RBFOX1: variants seen among roughly 807,000 people sequenced by gnomAD.
RBFOX1 encodes the protein RNA binding fox-1 homolog 1.
Under a neutral mutation model 57.7 loss-of-function variants are expected in RBFOX1, and 8 were observed. That is an observed-to-expected ratio of 0.14 (90% CI 0.08 to 0.25). The LOEUF (loss-of-function observed/expected upper bound fraction) is 0.25. RBFOX1 is among the 10% of genes least tolerant of loss of function. RBFOX1 has a pLI of 1.00. For synonymous variants in RBFOX1, 326 were observed against 222.4 expected (o/e 1.47, Z -4.15); for missense variants, 611 against 548.5 (o/e 1.11, Z -1.14).
chr16:7,154,619 A>G (rs1286305942), intron 4 of RBFOX1, among the ~76,000 whole-genome samples: 1 of 151,764 alleles, frequency 6.6e-6, no homozygotes, highest in Non-Finnish European at 1.5e-5. Context: ...AATAGTGGGC[A>G]GTTGTAAGAA....
intron 1 of RBFOX1, among the ~76,000 whole-genome samples, chr16:5,360,479 C>T (rs1382977199): frequency 6.6e-6 from 1 of 152,218 alleles, no homozygotes; most frequent in African/African-American, 2.4e-5. Context: ...CACCTACATG[C>T]ACAGGTAATG....
At chr16:5,932,691 C>T (rs1450787645) in intron 4 of RBFOX1, among the ~76,000 whole-genome samples, 2 of 152,078 alleles carry the variant, frequency 1.3e-5, no homozygotes, top group African/African-American at 4.8e-5. Flanking sequence ...ATGGAAAATC[C>T]ACCACTGGGG....
intron 3 of RBFOX1, among the ~76,000 whole-genome samples, chr16:7,047,960 C>T (rs1204869478): frequency 1.3e-5 from 2 of 151,720 alleles, no homozygotes; most frequent in Non-Finnish European, 2.9e-5. Context: ...CTCACTGCAA[C>T]CTCCCCCTGC....
chr16:5,988,496 C>T (rs1052543772), intron 4 of RBFOX1, among the ~76,000 whole-genome samples: 6 of 152,278 alleles, frequency 3.9e-5, no homozygotes, highest in African/African-American at 7.2e-5. Flanking sequence ...ACCACTACTT[C>T]GTCTAAGTTC....
Position 7,111,681 on chromosome 16 carries a change from A to G in RBFOX1, c.27+59583A>G, listed in dbSNP as rs1599801287. ...TGGCTCATACCTGTGCCTTGTATAA[A>G]ACTACTTCTGGGGAAGATGAGGTTA... is the stretch of plus-strand genomic sequence containing the variant. On this transcript the variant is annotated intron_variant, in intron 4 of 15. Transcript: ENST00000550418. 2.6e-5 allele frequency among the ~76,000 whole-genome samples: 4 copies of G among 152,252 alleles called. No individual in the cohort carries two copies. In the South Asian group the frequency reaches 8.3e-4, roughly 32 times the overall value.
intron 1 of RBFOX1, among the ~76,000 whole-genome samples, chr16:6,051,829 G>C (rs1401739485): frequency 6.6e-6 from 1 of 152,194 alleles, no homozygotes; most frequent in Admixed American, 6.5e-5. Context: ...CTCCCAAACT[G>C]CTGGGATTAC....
intron 4 of RBFOX1, among the ~76,000 whole-genome samples, chr16:5,949,150 A>G (rs56083583): frequency 0.17 from 25,751 of 152,084 alleles, 2,351 homozygotes; most frequent in Middle Eastern, 0.31. Flanking sequence ...CCATATAACC[A>G]GCATACCATT....
chr16:6,615,817 C>T (rs1206418614), intron 2 of RBFOX1, among the ~76,000 whole-genome samples: 2 of 152,118 alleles, frequency 1.3e-5, no homozygotes, highest in South Asian at 2.1e-4. Context: ...GAGACACAGC[C>T]GCATTTCCCT....
chr16:6,055,590 CAAAAAAAAAAAA>C (rs35872547), intron 1 of RBFOX1, among the ~76,000 whole-genome samples: 6 of 65,586 alleles, frequency 9.1e-5, no homozygotes, highest in Non-Finnish European at 1.0e-4. Flanking sequence ...GAGACTCCGT[CAAAAAAAAAAAA>C]AAAAAAAAAA....
At chr16:6,790,514 A>T (rs1411705253) in intron 3 of RBFOX1, among the ~76,000 whole-genome samples, 1 of 152,066 alleles carries the variant, frequency 6.6e-6, no homozygotes, top group Admixed American at 6.6e-5. Flanking sequence ...TTTTGTTTGC[A>T]TCATAGTTTG....
chr16:6,274,382 C>G (rs1011226762), intron 1 of RBFOX1, among the ~76,000 whole-genome samples: 3 of 152,176 alleles, frequency 2.0e-5, no homozygotes, highest in African/African-American at 4.8e-5. Flanking sequence ...AAGGAGTGGA[C>G]TGTTGATAAA....
chr16:6,575,661 C>T (rs1176351079), intron 2 of RBFOX1, among the ~76,000 whole-genome samples: 1 of 151,976 alleles, frequency 6.6e-6, no homozygotes, highest in African/African-American at 2.4e-5. Context: ...AATTTGAGAC[C>T]AGACTGATCA....
chr16:6,922,808 C>G (rs746143783), intron 3 of RBFOX1, among the ~76,000 whole-genome samples: 1 of 152,134 alleles, frequency 6.6e-6, no homozygotes, highest in Non-Finnish European at 1.5e-5. Flanking sequence ...GCGTTCATCA[C>G]AGGTGGGATT....
chr16:7,378,270 A>G (rs1480876471), intron 4 of RBFOX1, among the ~76,000 whole-genome samples: 2 of 152,176 alleles, frequency 1.3e-5, no homozygotes, highest in South Asian at 2.1e-4. Context: ...CCTGAGGGCA[A>G]GGAGGATCGG....
intron 3 of RBFOX1, among the ~76,000 whole-genome samples, chr16:6,898,232 C>T (rs1355112023): frequency 2.0e-5 from 3 of 152,152 alleles, no homozygotes; most frequent in East Asian, 1.9e-4. Context: ...GCCCCTTTGG[C>T]ATCAAGCTCT....
intron 1 of RBFOX1, among the ~76,000 whole-genome samples, chr16:5,392,916 A>C (rs1218686674): frequency 6.6e-6 from 1 of 152,156 alleles, no homozygotes; most frequent in Non-Finnish European, 1.5e-5. Context: ...TCATTTTGCA[A>C]CACATGGGTC....
At chr16:6,122,517 A>ATGT (rs1349203751) in intron 1 of RBFOX1, among the ~76,000 whole-genome samples, 10 of 152,180 alleles carry the variant, frequency 6.6e-5, no homozygotes, top group African/African-American at 2.4e-4. Context: ...CTCTGAAGAC[A>ATGT]TAATACCCTG....
Position 6,019,898 on chromosome 16 carries a change from T to C in RBFOX1, c.-221T>C. ...GCACCCCCTTCCGCCGCCTCCAGCT[T>C]ATGGTGAGTGTGGCTGGGGGTGCAG... On this transcript the variant is annotated 5_prime_UTR_variant, in exon 1 of 16. Coordinates refer to ENST00000550418, the MANE Select transcript of RBFOX1 (RefSeq NM_018723.4). This position sits in a 1 kb window ranked among gnomAD's most constrained non-coding sequence, Gnocchi z 4.2. The C allele has an allele frequency of 6.5e-7, 1 of 1,534,714 alleles. No homozygotes were observed. The highest frequency in any genetic ancestry group is 8.7e-7 in the Non-Finnish European group (1 of 1,146,456).
At position 6,328,198 on chromosome 16, in the gene RBFOX1, T is replaced by C. The variant is rs1313750228; in HGVS notation, c.-64+11141T>C. 2.6e-5 allele frequency among the ~76,000 whole-genome samples: 4 copies of C among 152,134 alleles called. No individual in the cohort carries two copies. In the East Asian group the frequency reaches 7.7e-4, roughly 29 times the overall value. On this transcript the variant is annotated intron_variant, in intron 2 of 15. Transcript: ENST00000550418. Reference sequence around the variant, plus strand: ...AAGGAAGGGAAAACAAAATATCGTATGTTCTGACTCATAAGTGGGAGCTAA... The same window carrying C: ...AAGGAAGGGAAAACAAAATATCGTACGTTCTGACTCATAAGTGGGAGCTAA...
Sources: allele counts gnomAD v4.1 joint callset (sites outside exome capture counted in the v4.1 genomes callset), GRCh38; gene constraint gnomAD v4.1.1; non-coding constraint Gnocchi (gnomAD v3.1); transcripts MANE v1.5; gene names NCBI Gene and HGNC (gene_info 2026-07-23, HGNC 2026-07-21).